The following TENT2 variants were observed in gnomAD, a reference collection of about 807,000 sequenced individuals.
TENT2 encodes poly(A) RNA polymerase GLD2.
A neutral mutation model predicts 72.2 loss-of-function variants in TENT2; 44 were observed. The observed-to-expected ratio is 0.61, with a 90% CI of 0.48 to 0.78. TENT2 has a LOEUF of 0.78. Ranked by LOEUF, TENT2 falls within the 30% of genes least tolerant of loss-of-function variation. TENT2 has a pLI of 0.00. For synonymous variants in TENT2, 212 were observed against 192.5 expected (o/e 1.10, Z -0.84); for missense variants, 541 against 569.6 (o/e 0.95, Z 0.51).
At chr5:79,650,729 G>A (rs1024264027) in intron 10 of TENT2, among the ~76,000 whole-genome samples, 1 of 152,028 alleles carries the variant, frequency 6.6e-6, no homozygotes, top group African/African-American at 2.4e-5. Flanking sequence ...ATCAAAAATG[G>A]TTAGGGTTGG....
intron 12 of TENT2, among the ~76,000 whole-genome samples, chr5:79,678,532 A>G (rs1819109759): frequency 6.6e-6 from 1 of 152,176 alleles, no homozygotes. Context: ...AAATACTTGT[A>G]ATAACTGTTA....
intron 7 of TENT2, 58 bp downstream of exon 7, chr5:79,642,968 C>T: frequency 1.3e-6 from 2 of 1,584,440 alleles, no homozygotes; most frequent in East Asian, 2.3e-5. Context: ...CTTAAAATGC[C>T]TCTTACATTA....
Position 79,642,864 on chromosome 5 carries a change from A to G in TENT2, c.705A>G (p.Ala235=). 6.2e-7 allele frequency: 1 copy of G among 1,611,896 alleles called. No homozygotes were observed. Among genetic ancestry groups the G allele is most frequent in the Non-Finnish European group, 8.5e-7 (1 of 1,179,078 alleles). Residue 235 remains alanine (A), a synonymous_variant, in exon 7 of 15, where the codon GCA becomes GCG. Transcript: ENST00000453514. ...TTCAGGTAAATCAGAAGACTGAAGCACGGCATATACTCACCTTAGTCCATA... is the reference window on the plus strand; with the variant it reads ...TTCAGGTAAATCAGAAGACTGAAGCGCGGCATATACTCACCTTAGTCCATA... ...CFFQVNQKTE[A]RHILTLVHKH... is the part of the protein sequence containing the mutation.
intron 10 of TENT2, among the ~76,000 whole-genome samples, chr5:79,652,173 A>AT (rs1561531442): frequency 6.6e-6 from 1 of 151,928 alleles, no homozygotes; most frequent in Non-Finnish European, 1.5e-5. Flanking sequence ...ATGTAAAGCT[A>AT]TTTTTTTATG....
At chr5:79,651,667 T>TC (rs1476400070) in intron 10 of TENT2, among the ~76,000 whole-genome samples, 1 of 152,010 alleles carries the variant, frequency 6.6e-6, no homozygotes, top group Non-Finnish European at 1.5e-5. Context: ...TGGGGAGCAT[T>TC]TTTTCATATT....
At chr5:79,659,553 A>AAAATATATATATAT (rs1554086793) in intron 11 of TENT2, among the ~76,000 whole-genome samples, 1 of 26,858 alleles carries the variant, frequency 3.7e-5, no homozygotes, top group Non-Finnish European at 5.6e-5. Context: ...AAAAAAAAAA[A>AAAATATATATATAT]ATGTATATAT....
intron 4 of TENT2, among the ~76,000 whole-genome samples, chr5:79,634,649 A>AT (rs1341618039): frequency 1.3e-5 from 2 of 152,076 alleles, no homozygotes; most frequent in African/African-American, 4.8e-5. Flanking sequence ...AGAAATATTT[A>AT]TTTTAATATT....
At position 79,668,694 on chromosome 5, in the gene TENT2, T is replaced by C. The variant is rs1810457026; in HGVS notation, c.1072-198T>C. On this transcript the variant is annotated intron_variant, in intron 11 of 14. Transcript: ENST00000453514. ...ATACTCAAGCCAAGGATTAGAATGTTAGTTTTTCAGGTACATTCTGGTCTA... is the reference window on the plus strand; with the variant it reads ...ATACTCAAGCCAAGGATTAGAATGTCAGTTTTTCAGGTACATTCTGGTCTA... 7 of 519,460 alleles carry C rather than the reference T, an allele frequency of 1.3e-5. No individual in the cohort carries two copies. In the Admixed American group the frequency reaches 2.4e-4, roughly 18 times the overall value. 32.2% of individuals were successfully genotyped at this position (519,460 alleles called of 1,614,324 possible).
chr5:79,683,270 G>A (rs373880322), intron 14 of TENT2, among the ~76,000 whole-genome samples: 7 of 151,682 alleles, frequency 4.6e-5, no homozygotes, highest in South Asian at 2.1e-4. Context: ...CCTGGGCAAC[G>A]CATAGCAAGA....
chr5:79,616,977 G>T (rs1181995908), intron 1 of TENT2, among the ~76,000 whole-genome samples: 2 of 152,084 alleles, frequency 1.3e-5, no homozygotes, highest in Non-Finnish European at 2.9e-5. Context: ...AACAATGTTT[G>T]TGAGGGATTT....
At chr5:79,626,060 C>T (rs1197173695) in intron 4 of TENT2, among the ~76,000 whole-genome samples, 1 of 151,446 alleles carries the variant, frequency 6.6e-6, no homozygotes, top group Non-Finnish European at 1.5e-5. Flanking sequence ...AACTCCTGAC[C>T]TCGTGATCTA....
At chr5:79,641,024 CTTTTTTTTTT>C in intron 5 of TENT2, 59 bp downstream of exon 5, 1 of 1,140,236 alleles carries the variant, frequency 8.8e-7, no homozygotes, top group Non-Finnish European at 1.2e-6. Flanking sequence ...TAAATTTTAT[CTTTTTTTTTT>C]TTAATAGGCA....
intron 8 of TENT2, among the ~76,000 whole-genome samples, chr5:79,647,550 A>G (rs967632861): frequency 3.9e-5 from 6 of 152,188 alleles, no homozygotes; most frequent in African/African-American, 1.4e-4. Flanking sequence ...ACTACTATCC[A>G]TTTTTATTAA....
At chr5:79,639,120 T>G (rs1248513920) in intron 4 of TENT2, among the ~76,000 whole-genome samples, 1 of 151,966 alleles carries the variant, frequency 6.6e-6, no homozygotes, top group Non-Finnish European at 1.5e-5. Context: ...AGAGATTAGC[T>G]TTGAACAGGG....
intron 4 of TENT2, among the ~76,000 whole-genome samples, chr5:79,627,842 A>G (rs1340847478): frequency 6.6e-6 from 1 of 152,226 alleles, no homozygotes; most frequent in East Asian, 1.9e-4. Flanking sequence ...GAAAGAAGGC[A>G]AGCAGTCAGT....
At chr5:79,633,997 CAA>C (rs562252526) in intron 4 of TENT2, among the ~76,000 whole-genome samples, 9 of 70,500 alleles carry the variant, frequency 1.3e-4, no homozygotes, top group African/African-American at 2.6e-4. Context: ...ACTAAAAATA[CAA>C]AAAAAAAAAA....
Position 79,668,796 on chromosome 5 carries a change from C to T in TENT2, c.1072-96C>T, listed in dbSNP as rs141032695. The stretch of plus-strand genomic sequence containing the variant: ...TTGCCAAATAGAGTAAATTTCTTCT[C>T]TCTTTTTCAAAGAGGAGCCTAGTTC... On this transcript the variant is annotated intron_variant, in intron 11 of 14. Transcript: ENST00000453514. 478 of 1,392,002 alleles carry T rather than the reference C, an allele frequency of 3.4e-4. 4 individuals are homozygous for T. The African/African-American group carries it at 5.7e-3, about 17-fold the overall frequency. 86.2% of individuals were successfully genotyped at this position (1,392,002 alleles called of 1,614,324 possible). A position where few individuals can be genotyped will look rare whatever the true frequency, so the allele number is the denominator to read the frequency against.
intron 11 of TENT2, among the ~76,000 whole-genome samples, chr5:79,663,283 G>A (rs147748689): frequency 1.3e-5 from 2 of 152,298 alleles, no homozygotes; most frequent in African/African-American, 2.4e-5. Flanking sequence ...TCATTGATGC[G>A]TTCACTGGAG....
chr5:79,633,220 C>T (rs947350519), intron 4 of TENT2, among the ~76,000 whole-genome samples: 3 of 152,064 alleles, frequency 2.0e-5, no homozygotes, highest in Non-Finnish European at 4.4e-5. Flanking sequence ...TATAGCTACA[C>T]GTAACAAAGA....
Sources: allele counts gnomAD v4.1 joint callset (sites outside exome capture counted in the v4.1 genomes callset), GRCh38; gene constraint gnomAD v4.1.1; transcripts MANE v1.5; gene names NCBI Gene and HGNC (gene_info 2026-07-23, HGNC 2026-07-21).